Variants in CFHR2 observed in about 807,000 individuals in gnomAD.
The protein encoded by CFHR2 is complement factor H related 2, also known as complement factor H-related protein 2.
In CFHR2, 22 loss-of-function variants were observed where a neutral mutation model predicts 21.7. The observed-to-expected ratio is 1.01, with a 90% confidence interval of 0.72 to 1.45. The LOEUF is 1.45. CFHR2 is among the 40% of genes most tolerant of loss of function. The pLI is 0.00. For missense variants in CFHR2, 294 were observed against 293.3 expected (o/e 1.00, Z -0.02); for synonymous variants, 98 against 97.4 (o/e 1.01, Z -0.04).
intron 3 of CFHR2, among the ~76,000 whole-genome samples, chr1:196,955,926 C>G (rs1427675319): frequency 1.3e-5 from 2 of 152,064 alleles, no homozygotes; most frequent in Admixed American, 6.6e-5. Context: ...AGAAAACTTA[C>G]AATAATGGCA....
chr1:196,954,483 C>T (rs1652791326), intron 3 of CFHR2, among the ~76,000 whole-genome samples: 1 of 152,180 alleles, frequency 6.6e-6, no homozygotes, highest in Non-Finnish European at 1.5e-5. Context: ...AGAGTAGCCC[C>T]CTACTCATAG....
At chr1:196,951,100 ATTAAATATAGG>A in intron 3 of CFHR2, 72 bp downstream of exon 3, 3 of 1,531,746 alleles carry the variant, frequency 2.0e-6, no homozygotes, top group South Asian at 2.4e-5. Context: ...TTTTTTACAG[ATTAAATATAGG>A]TTAAATATAG....
At chr1:196,945,103 C>T (rs1161692030) in intron 1 of CFHR2, among the ~76,000 whole-genome samples, 1 of 144,306 alleles carries the variant, frequency 6.9e-6, no homozygotes, top group African/African-American at 2.6e-5. Context: ...CTCGAACTCC[C>T]GACCTCAGGT....
At chr1:196,958,666 C>T (rs1652995846) in intron 4 of CFHR2, among the ~76,000 whole-genome samples, 1 of 151,980 alleles carries the variant, frequency 6.6e-6, no homozygotes, top group African/African-American at 2.4e-5. Flanking sequence ...TCAGTGATAA[C>T]ATCTAATTAT....
intron 1 of CFHR2, among the ~76,000 whole-genome samples, chr1:196,944,433 G>C (rs1005495395): frequency 2.6e-5 from 4 of 152,010 alleles, no homozygotes; most frequent in African/African-American, 7.3e-5. Context: ...TGAAACAATA[G>C]AAAATATCAT....
Position 196,959,278 on chromosome 1 carries a change from A to G in CFHR2, c.*198A>G, listed in dbSNP as rs1653028489. On this transcript the variant is annotated 3_prime_UTR_variant, in exon 5 of 5. Transcript: ENST00000367415. ...CTATCTTCACCAAATCTAAGTAACAACCTAGGAATTGTCTTTTTTTTTCTT... is the reference window on the plus strand; with the variant it reads ...CTATCTTCACCAAATCTAAGTAACAGCCTAGGAATTGTCTTTTTTTTTCTT... The G allele has an allele frequency of 2.0e-6, 1 of 500,098 alleles. No homozygotes were observed. The highest frequency in any genetic ancestry group is 3.8e-5 in the Admixed American group (1 of 25,994). The allele number at this position is 500,098 out of a possible 1,614,324, so 31.0% of individuals were successfully genotyped here.
chr1:196,950,527 G>C lies in CFHR2; in HGVS notation c.254-325G>C, dbSNP rs150586491. On this transcript the variant is annotated intron_variant, in intron 2 of 4. Transcript: ENST00000367415. ...CTCATTCTGTCACCCAGGCTGAAGT[G>C]CAGTGGTGCCATCTCGACTCACTGC... Among the ~76,000 whole-genome samples, 904 of 152,228 alleles carry C rather than the reference G, an allele frequency of 5.9e-3. 19 individuals carry two copies. The highest frequency in any genetic ancestry group is 0.021 in the African/African-American group (869 of 41,536).
chr1:196,954,553 T>G (rs1652794063), intron 3 of CFHR2, among the ~76,000 whole-genome samples: 1 of 152,156 alleles, frequency 6.6e-6, no homozygotes, highest in East Asian at 1.9e-4. Context: ...TACATTTCCC[T>G]TCCACTCTGC....
At chr1:196,950,566 TG>T (rs1372721040) in intron 2 of CFHR2, among the ~76,000 whole-genome samples, 1 of 152,110 alleles carries the variant, frequency 6.6e-6, no homozygotes, top group Non-Finnish European at 1.5e-5. Context: ...CTCTGCCTTC[TG>T]GGTTCAAGTG....
intron 3 of CFHR2, among the ~76,000 whole-genome samples, chr1:196,955,417 C>G (rs1652830814): frequency 6.6e-6 from 1 of 152,194 alleles, no homozygotes; most frequent in African/African-American, 2.4e-5. Context: ...GCTGTTCCAA[C>G]CTCTGCCTGT....
At chr1:196,949,309 C>A in intron 1 of CFHR2, 146 bp from the exon 2 acceptor site, 1 of 714,258 alleles carries the variant, frequency 1.4e-6, no homozygotes, top group Non-Finnish European at 2.3e-6. Flanking sequence ...TCTTTTCATT[C>A]CTAATTTGGA....
intron 1 of CFHR2, among the ~76,000 whole-genome samples, 181 bp from the exon 2 acceptor site, chr1:196,949,274 A>G (rs1659632469): frequency 6.6e-6 from 1 of 152,054 alleles, no homozygotes; most frequent in African/African-American, 2.4e-5. Context: ...CTCCTCAAAT[A>G]CTCGTGTACT....
chr1:196,957,035 G>A (rs1427193599), intron 3 of CFHR2, among the ~76,000 whole-genome samples: 2 of 152,158 alleles, frequency 1.3e-5, no homozygotes, highest in Non-Finnish European at 2.9e-5. Flanking sequence ...TAGAAGTGTG[G>A]AGGGTGGTCA....
Position 196,959,263 on chromosome 1 carries a change from C to A in CFHR2, c.*183C>A. 2 of 525,810 alleles carry A rather than the reference C, an allele frequency of 3.8e-6. No homozygotes were observed. Among genetic ancestry groups the A allele is most frequent in the African/African-American group, 1.9e-5 (1 of 51,644 alleles). 32.6% of individuals were successfully genotyped at this position (525,810 alleles called of 1,614,324 possible). ...TCACAATGGTGAGGACTATCTTCAC[C>A]AAATCTAAGTAACAACCTAGGAATT... On this transcript the variant is annotated 3_prime_UTR_variant, in exon 5 of 5. Transcript: ENST00000367415.
At chr1:196,953,556 A>C (rs1652734728) in intron 3 of CFHR2, among the ~76,000 whole-genome samples, 1 of 152,156 alleles carries the variant, frequency 6.6e-6, no homozygotes. Flanking sequence ...GTGCTGACGT[A>C]ACAGTCATGA....
chr1:196,947,621 G>A (rs1424450503), intron 1 of CFHR2, among the ~76,000 whole-genome samples: 1 of 152,066 alleles, frequency 6.6e-6, no homozygotes, highest in African/African-American at 2.4e-5. Context: ...CTAGACAGAT[G>A]AAAAAGAGAA....
intron 3 of CFHR2, among the ~76,000 whole-genome samples, chr1:196,954,345 C>A (rs1293385995): frequency 1.3e-5 from 2 of 152,234 alleles, no homozygotes; most frequent in Non-Finnish European, 2.9e-5. Context: ...CCTTGGGTAG[C>A]TCCACTTCTG....
At chr1:196,954,671 T>C (rs1199115805) in intron 3 of CFHR2, among the ~76,000 whole-genome samples, 2 of 133,280 alleles carry the variant, frequency 1.5e-5, no homozygotes, top group Non-Finnish European at 3.2e-5. Flanking sequence ...GGTTCCCACC[T>C]GGAACCAAAA....
chr1:196,948,502 C>T (rs1485492089), intron 1 of CFHR2, among the ~76,000 whole-genome samples: 1 of 152,060 alleles, frequency 6.6e-6, no homozygotes, highest in Non-Finnish European at 1.5e-5. Context: ...TCTCAAACTC[C>T]TGACCTCAAG....
Sources: allele counts gnomAD v4.1 joint callset (sites outside exome capture counted in the v4.1 genomes callset), GRCh38; gene constraint gnomAD v4.1.1; transcripts MANE v1.5; gene names NCBI Gene and HGNC (gene_info 2026-07-23, HGNC 2026-07-21).